The following STXBP5L variants were observed in gnomAD, a reference collection of about 807,000 sequenced individuals.
STXBP5L encodes syntaxin binding protein 5L, also known as syntaxin-binding protein 5-like.
In STXBP5L, 65 loss-of-function variants were observed where a neutral mutation model predicts 144.5. That is an observed-to-expected ratio of 0.45 (90% CI 0.37 to 0.55). STXBP5L has a LOEUF of 0.55. Among genes scored for constraint, STXBP5L ranks in the 20% least tolerant of loss-of-function variants. The pLI is 0.00. For synonymous variants in STXBP5L, 505 were observed against 469.6 expected (o/e 1.08, Z -0.97); for missense variants, 1,298 against 1,405.5 (o/e 0.92, Z 1.22).
intron 5 of STXBP5L, among the ~76,000 whole-genome samples, chr3:121,062,992 C>G (rs1172492017): frequency 1.3e-5 from 2 of 152,194 alleles, no homozygotes; most frequent in Non-Finnish European, 2.9e-5. Context: ...TACCCATCTT[C>G]TGAAGCCTAC....
chr3:121,312,448 T>A (rs1214874700), intron 19 of STXBP5L, among the ~76,000 whole-genome samples: 20 of 15,504 alleles, frequency 1.3e-3, no homozygotes, highest in Non-Finnish European at 2.3e-3. Flanking sequence ...ATGTCAATCT[T>A]TTTTTTTTTT....
chr3:121,008,091 A>C (rs941074052), intron 3 of STXBP5L, among the ~76,000 whole-genome samples: 1 of 151,824 alleles, frequency 6.6e-6, no homozygotes, highest in Non-Finnish European at 1.5e-5. Context: ...TTTCTTTCCT[A>C]CTGGGTTTAT....
At chr3:120,925,099 A>G (rs1164496791) in intron 2 of STXBP5L, 2 of 152,222 alleles carry the variant, frequency 1.3e-5, no homozygotes, top group African/African-American at 2.4e-5. Flanking sequence ...ATATGCATGG[A>G]TCTAGAATTC....
At chr3:120,994,629 A>G (rs1193017553) in intron 3 of STXBP5L, among the ~76,000 whole-genome samples, 1 of 152,076 alleles carries the variant, frequency 6.6e-6, no homozygotes, top group African/African-American at 2.4e-5. Flanking sequence ...TCTGAGATAA[A>G]TCCTACTTGA....
At chr3:121,078,490 G>T (rs2042116842) in intron 5 of STXBP5L, among the ~76,000 whole-genome samples, 2 of 152,260 alleles carry the variant, frequency 1.3e-5, no homozygotes, top group South Asian at 2.1e-4. Context: ...CTGCACCAGG[G>T]CCGCAGGTGG....
chr3:121,170,064 T>G (rs930403489), intron 9 of STXBP5L, among the ~76,000 whole-genome samples: 1 of 152,056 alleles, frequency 6.6e-6, no homozygotes, highest in Non-Finnish European at 1.5e-5. Context: ...GCACAACTAC[T>G]TGGAAACTTA....
At chr3:121,335,047 C>A (rs1026461401) in intron 20 of STXBP5L, among the ~76,000 whole-genome samples, 3 of 152,120 alleles carry the variant, frequency 2.0e-5, no homozygotes, top group African/African-American at 7.2e-5. Context: ...GATTTTATAT[C>A]TAGAAAACCC....
At chr3:121,089,438 G>C (rs1213039808) in intron 5 of STXBP5L, among the ~76,000 whole-genome samples, 1 of 151,226 alleles carries the variant, frequency 6.6e-6, no homozygotes, top group Non-Finnish European at 1.5e-5. Context: ...CTTCCTCCTG[G>C]TCTCTGTGGT....
At chr3:121,315,886 C>T (rs1269272417) in intron 19 of STXBP5L, among the ~76,000 whole-genome samples, 1 of 151,654 alleles carries the variant, frequency 6.6e-6, no homozygotes, top group Non-Finnish European at 1.5e-5. Context: ...CCTGTAATCC[C>T]AGCTACTTGA....
At chr3:121,319,512 T>G (rs954606439) in intron 20 of STXBP5L, among the ~76,000 whole-genome samples, 5 of 152,110 alleles carry the variant, frequency 3.3e-5, no homozygotes, top group African/African-American at 1.2e-4. Flanking sequence ...TTTCTCTTAG[T>G]CATATATTTT....
rs573576751 is a variant in STXBP5L, at chr3:121,013,968, G to C, written c.288-27732G>C. ...GTTGTAGGTATACAGCATTATTTCT[G>C]GGCTCTCTCTTCTGTTCCATTGGTC... On this transcript the variant is annotated intron_variant, in intron 3 of 26. Coordinates refer to ENST00000471454, the MANE Select transcript of STXBP5L (RefSeq NM_001308330.2). Among the ~76,000 whole-genome samples the C allele has an allele frequency of 3.2e-4, 49 of 152,000 alleles. 3 individuals carry two copies. In the South Asian group the frequency reaches 9.8e-3, roughly 30 times the overall value.
At chr3:120,997,897 C>T (rs1367713068) in intron 3 of STXBP5L, among the ~76,000 whole-genome samples, 2 of 152,146 alleles carry the variant, frequency 1.3e-5, no homozygotes, top group African/African-American at 4.8e-5. Flanking sequence ...ATCAAATACA[C>T]TTTATACCTA....
chr3:121,186,559 T>A (rs2047389944), intron 9 of STXBP5L, among the ~76,000 whole-genome samples: 1 of 152,216 alleles, frequency 6.6e-6, no homozygotes, highest in Non-Finnish European at 1.5e-5. Context: ...AATCCTGTGG[T>A]TTTTGTCTTT....
chr3:120,925,945 T>G, intron 2 of STXBP5L, among the ~76,000 whole-genome samples: 1 of 152,218 alleles, frequency 6.6e-6, no homozygotes, highest in Non-Finnish European at 1.5e-5. Flanking sequence ...GGAAAAAATC[T>G]CTATACTTTA....
rs1005706550 is a variant in STXBP5L at position 121,287,589 on chromosome 3, G to A, written c.2110+7633G>A. 4.6e-5 allele frequency among the ~76,000 whole-genome samples: 7 copies of A among 152,014 alleles called. No individual in the cohort carries two copies. The South Asian group carries it at 1.0e-3, about 23-fold the overall frequency. On this transcript the variant is annotated intron_variant, in intron 19 of 26. Coordinates refer to ENST00000471454, the MANE Select transcript of STXBP5L (RefSeq NM_001308330.2). ...CTCATGCCTGTAATCCCAGCACTTTGGGAGGCTGAGGTGGGTGGATCACGA... is the reference window on the plus strand; with the variant it reads ...CTCATGCCTGTAATCCCAGCACTTTAGGAGGCTGAGGTGGGTGGATCACGA...
At chr3:121,159,627 CTTTTTT>C (rs1161847567) in intron 9 of STXBP5L, among the ~76,000 whole-genome samples, 2 of 121,930 alleles carry the variant, frequency 1.6e-5, no homozygotes, top group Admixed American at 8.6e-5. Context: ...TGTACATTTT[CTTTTTT>C]TTTTTTTTTT....
At chr3:120,977,021 G>A (rs528700347) in intron 3 of STXBP5L, among the ~76,000 whole-genome samples, 2 of 152,258 alleles carry the variant, frequency 1.3e-5, no homozygotes, top group South Asian at 2.1e-4. Context: ...TGTATATTCT[G>A]TTGATTTGGG....
At chr3:121,376,309 C>A (rs985748295) in intron 20 of STXBP5L, among the ~76,000 whole-genome samples, 1 of 152,100 alleles carries the variant, frequency 6.6e-6, no homozygotes. Flanking sequence ...TTCTTATGTA[C>A]CCTTCTTAAC....
intron 3 of STXBP5L, among the ~76,000 whole-genome samples, chr3:120,959,725 C>G (rs148009144): frequency 1.8e-4 from 27 of 152,100 alleles, no homozygotes; most frequent in African/African-American, 6.3e-4. Flanking sequence ...AAACTGGATC[C>G]CTTCCTTACA....
Sources: allele counts gnomAD v4.1 joint callset (sites outside exome capture counted in the v4.1 genomes callset), GRCh38; gene constraint gnomAD v4.1.1; transcripts MANE v1.5; gene names NCBI Gene and HGNC (gene_info 2026-07-23, HGNC 2026-07-21).